NCKAP5: variants seen among roughly 807,000 people sequenced by gnomAD.
NCKAP5 encodes nck-associated protein 5.
Under a neutral mutation model 167.0 loss-of-function variants are expected in NCKAP5, and 92 were observed. The observed-to-expected ratio is 0.55, with a 90% confidence interval of 0.47 to 0.66. The LOEUF is 0.66. Ranked by LOEUF, NCKAP5 falls within the 30% of genes least tolerant of loss-of-function variation. The probability of loss-of-function intolerance (pLI) is 0.00; values close to 1 mark genes in which losing one functional copy is unlikely to be tolerated. For missense variants in NCKAP5, 2,378 were observed against 2,315.0 expected, an observed-to-expected ratio of 1.03 and a Z score of -0.56; for synonymous variants, 891 against 877.4, an observed-to-expected ratio of 1.02 and a Z score of -0.27.
Position 133,323,211 on chromosome 2 carries a change from T to C in NCKAP5, c.70-20101A>G, listed in dbSNP as rs182369824. ...CATTTATGGATATTTGGCAATTTTC[T>C]TTAACTCTATTTCGTGATCATGTAA... is the stretch of plus-strand genomic sequence containing the variant. On this transcript the variant is annotated intron_variant, in intron 3 of 19. Coordinates refer to ENST00000409261, the MANE Select transcript of NCKAP5 (RefSeq NM_207363.3). Among the ~76,000 whole-genome samples the C allele has an allele frequency of 2.6e-5, 4 of 152,350 alleles. No individual in the cohort carries two copies. The East Asian group carries it at 7.7e-4, about 29-fold the overall frequency.
intron 3 of NCKAP5, among the ~76,000 whole-genome samples, chr2:133,487,261 G>A (rs542083018): frequency 2.6e-5 from 4 of 152,294 alleles, no homozygotes; most frequent in African/African-American, 9.6e-5. Context: ...CTCAGGAGGA[G>A]TAGAGAGACT....
At chr2:133,534,187 TC>T (rs1685578314) in intron 2 of NCKAP5, among the ~76,000 whole-genome samples, 1 of 152,216 alleles carries the variant, frequency 6.6e-6, no homozygotes, top group South Asian at 2.1e-4. Context: ...ATTTCTCTAG[TC>T]CTCAATTTCT....
intron 3 of NCKAP5, among the ~76,000 whole-genome samples, chr2:133,508,624 G>A (rs545582017): frequency 6.6e-6 from 1 of 152,350 alleles, no homozygotes; most frequent in African/African-American, 2.4e-5. Flanking sequence ...TTTGGGACCA[G>A]CTTCTAAGGG....
the NCKAP5 span, among the ~76,000 whole-genome samples, chr2:133,583,687 T>C: frequency 1.3e-5 from 2 of 152,228 alleles, no homozygotes; most frequent in African/African-American, 4.8e-5. Context: ...AGAAGCCAAC[T>C]TTTTAGCACA....
intron 19 of NCKAP5, among the ~76,000 whole-genome samples, chr2:132,718,174 G>C (rs759733289): frequency 2.0e-5 from 3 of 152,144 alleles, no homozygotes; most frequent in Non-Finnish European, 2.9e-5. Flanking sequence ...TTAGTGTCTA[G>C]CAGTGACCTG....
At chr2:133,168,911 A>G (rs2149980032) in intron 5 of NCKAP5, among the ~76,000 whole-genome samples, 1 of 152,202 alleles carries the variant, frequency 6.6e-6, no homozygotes, top group Non-Finnish European at 1.5e-5. Context: ...TGAACCATAG[A>G]CAGCATTTCC....
intron 4 of NCKAP5, among the ~76,000 whole-genome samples, chr2:133,255,525 T>TG (rs2088573358): frequency 6.6e-6 from 1 of 152,114 alleles, no homozygotes; most frequent in Admixed American, 6.6e-5. Context: ...AGGGAATGTG[T>TG]GTACAAATAC....
chr2:132,699,218 T>C (rs952715212), intron 19 of NCKAP5, among the ~76,000 whole-genome samples: 1 of 152,204 alleles, frequency 6.6e-6, no homozygotes, highest in African/African-American at 2.4e-5. Flanking sequence ...TAGACAGTGA[T>C]ATAAATCCTG....
At chr2:133,616,329 C>CA in the NCKAP5 span, among the ~76,000 whole-genome samples, 2 of 151,314 alleles carry the variant, frequency 1.3e-5, no homozygotes, top group South Asian at 2.1e-4. Flanking sequence ...AATAGAGACA[C>CA]AAAAAACCCT....
chr2:133,299,397 T>C (rs1680194467), intron 4 of NCKAP5, among the ~76,000 whole-genome samples: 1 of 152,074 alleles, frequency 6.6e-6, no homozygotes, highest in South Asian at 2.1e-4. Context: ...AGTAAGTATT[T>C]ACCTGCCATC....
rs528094491 is a variant in NCKAP5 at position 132,962,738 on chromosome 2, G to C, written c.579+982C>G. On this transcript the variant is annotated intron_variant, in intron 8 of 19. Transcript: ENST00000409261. ...CCTGAGTAACTGGGACTACAGGCAC[G>C]TGCCACCACGCCTGGCTAATTTTTT... Among the ~76,000 whole-genome samples the C allele has an allele frequency of 1.3e-3, 199 of 152,146 alleles. 1 individual carries two copies. Among genetic ancestry groups the C allele is most frequent in the African/African-American group, 3.6e-3 (150 of 41,496 alleles).
chr2:132,749,971 G>A (rs1055865327), intron 16 of NCKAP5, among the ~76,000 whole-genome samples: 6 of 151,664 alleles, frequency 4.0e-5, no homozygotes, highest in Non-Finnish European at 5.9e-5. Flanking sequence ...ATCATGCTCC[G>A]AGTAAGGGAA....
chr2:132,985,205 C>T (rs529332285), intron 7 of NCKAP5, among the ~76,000 whole-genome samples: 10 of 151,986 alleles, frequency 6.6e-5, no homozygotes, highest in African/African-American at 2.4e-4. Context: ...AGGGTCAAAA[C>T]GTCTAATAGG....
intron 16 of NCKAP5, among the ~76,000 whole-genome samples, chr2:132,754,667 C>A (rs562799919): frequency 5.3e-5 from 8 of 152,290 alleles, no homozygotes; most frequent in African/African-American, 1.9e-4. Flanking sequence ...TTTGTCTTTG[C>A]CAGCATGTCA....
At chr2:132,944,300 G>C (rs951898118) in intron 8 of NCKAP5, among the ~76,000 whole-genome samples, 4 of 152,208 alleles carry the variant, frequency 2.6e-5, no homozygotes, top group Admixed American at 2.6e-4. Context: ...AGACAGGCTG[G>C]AGAGAAACAC....
At chr2:133,393,607 C>A (rs1279089087) in intron 3 of NCKAP5, among the ~76,000 whole-genome samples, 2 of 152,184 alleles carry the variant, frequency 1.3e-5, no homozygotes, top group Non-Finnish European at 2.9e-5. Flanking sequence ...GTTAGTGCAG[C>A]TTACAGATTG....
At chr2:133,252,824 A>T (rs567794453) in intron 4 of NCKAP5, among the ~76,000 whole-genome samples, 1 of 152,186 alleles carries the variant, frequency 6.6e-6, no homozygotes, top group East Asian at 1.9e-4. Context: ...TAAATTCATG[A>T]CTTACTTGCA....
At chr2:133,625,670 A>T in the NCKAP5 span, among the ~76,000 whole-genome samples, 1 of 152,066 alleles carries the variant, frequency 6.6e-6, no homozygotes. Flanking sequence ...GGAGATGGAG[A>T]CCATCCTGGC....
chr2:133,423,765 T>C (rs1357552679), intron 3 of NCKAP5, among the ~76,000 whole-genome samples: 1 of 152,184 alleles, frequency 6.6e-6, no homozygotes, highest in Admixed American at 6.5e-5. Flanking sequence ...GGAAAATAAC[T>C]AGCAAATACA....
Sources: allele counts gnomAD v4.1 joint callset (sites outside exome capture counted in the v4.1 genomes callset), GRCh38; gene constraint gnomAD v4.1.1; transcripts MANE v1.5; gene names NCBI Gene and HGNC (gene_info 2026-07-23, HGNC 2026-07-21).